Variants in HIVEP3 observed in about 807,000 individuals in gnomAD.
The protein encoded by HIVEP3 is HIVEP zinc finger 3.
A neutral mutation model predicts 152.8 loss-of-function variants in HIVEP3; 49 were observed. The observed-to-expected ratio is 0.32, with a 90% CI of 0.26 to 0.41. The LOEUF (loss-of-function observed/expected upper bound fraction) is 0.41, where lower values mean the gene tolerates loss of function less well. Ranked by LOEUF, HIVEP3 falls within the 10% of genes least tolerant of loss-of-function variation. The pLI, the probability that HIVEP3 is intolerant of heterozygous loss-of-function variation, is 1.00. For missense variants in HIVEP3, 2,790 were observed against 3,103.3 expected (o/e 0.90, Z 2.40); for synonymous variants, 1,269 against 1,289.0 (o/e 0.98, Z 0.33).
intron 1 of HIVEP3, among the ~76,000 whole-genome samples, chr1:41,772,470 G>A (rs1294055609): frequency 6.6e-6 from 1 of 152,186 alleles, no homozygotes; most frequent in East Asian, 1.9e-4. Flanking sequence ...CACGGGAGAG[G>A]TGGCAGGGAA....
At chr1:41,567,825 T>C (rs950570134) in intron 5 of HIVEP3, among the ~76,000 whole-genome samples, 5 of 152,222 alleles carry the variant, frequency 3.3e-5, no homozygotes, top group African/African-American at 1.2e-4. Flanking sequence ...GCCTGCCCCA[T>C]AACAGAGGCC....
intron 1 of HIVEP3, among the ~76,000 whole-genome samples, chr1:42,021,111 T>G (rs1329597484): frequency 2.0e-5 from 3 of 152,182 alleles, no homozygotes; most frequent in Admixed American, 6.5e-5. Flanking sequence ...AGTAACATGA[T>G]CTGACTTGTG....
intron 1 of HIVEP3, among the ~76,000 whole-genome samples, chr1:41,930,693 A>G (rs1644992242): frequency 6.6e-6 from 1 of 152,168 alleles, no homozygotes; most frequent in South Asian, 2.1e-4. Flanking sequence ...CTGCCAAACT[A>G]CTTCGCAAAG....
chr1:41,553,607 C>T (rs531127588), intron 5 of HIVEP3, among the ~76,000 whole-genome samples: 1 of 152,342 alleles, frequency 6.6e-6, no homozygotes, highest in East Asian at 1.9e-4. Context: ...ATGGTCTTTA[C>T]AATCTGGCAT....
chr1:41,738,941 G>A (rs1646957072), intron 1 of HIVEP3, among the ~76,000 whole-genome samples: 1 of 152,218 alleles, frequency 6.6e-6, no homozygotes, highest in Non-Finnish European at 1.5e-5. Context: ...AATGAACCAT[G>A]GCGCCATTAG....
At chr1:41,738,235 G>C (rs1466763995) in intron 1 of HIVEP3, among the ~76,000 whole-genome samples, 1 of 152,222 alleles carries the variant, frequency 6.6e-6, no homozygotes, top group Non-Finnish European at 1.5e-5. Flanking sequence ...CAAGCAGCTG[G>C]GTCTCACAAA....
chr1:41,893,066 C>T (rs192257909), intron 1 of HIVEP3, among the ~76,000 whole-genome samples: 1 of 144,694 alleles, frequency 6.9e-6, no homozygotes, highest in Non-Finnish European at 1.5e-5. Flanking sequence ...GAGGCTGTAG[C>T]GAGCCATGTT....
intron 1 of HIVEP3, among the ~76,000 whole-genome samples, chr1:41,831,598 G>A (rs931792027): frequency 7.9e-5 from 12 of 152,200 alleles, no homozygotes; most frequent in African/African-American, 2.9e-4. Context: ...CTGCAGTTAA[G>A]GATATGTTCA....
chr1:41,562,813 TCC>T (rs1022187279), intron 5 of HIVEP3, among the ~76,000 whole-genome samples: 3 of 152,038 alleles, frequency 2.0e-5, no homozygotes, highest in Admixed American at 2.0e-4. Context: ...CTGATTTACA[TCC>T]CAGGATCCCT....
Position 41,584,992 on chromosome 1 carries a change from G to A in HIVEP3, c.-195C>T, listed in dbSNP as rs1644482956. 4.6e-6 allele frequency: 2 copies of A among 438,336 alleles called. No individual in the cohort carries two copies. 27.2% of individuals were successfully genotyped at this position (438,336 alleles called of 1,614,324 possible). On this transcript the variant is annotated 5_prime_UTR_variant, in exon 4 of 9. Coordinates refer to ENST00000372583, the MANE Select transcript of HIVEP3 (RefSeq NM_024503.5). This position sits in a 1 kb window ranked among gnomAD's most constrained non-coding sequence, Gnocchi z 5.2. ...AGTGGACTCGGAGCAGGTCATCAGGGCCCACGCTATTCTATTGGTGAGGCA... is the reference window on the plus strand; with the variant it reads ...AGTGGACTCGGAGCAGGTCATCAGGACCCACGCTATTCTATTGGTGAGGCA...
intron 1 of HIVEP3, among the ~76,000 whole-genome samples, chr1:41,709,009 T>C (rs994544700): frequency 2.6e-5 from 4 of 152,184 alleles, no homozygotes; most frequent in Non-Finnish European, 5.9e-5. Flanking sequence ...TCTCAGGGGT[T>C]CTGGGAAAGA....
At position 41,893,355 on chromosome 1, in the gene HIVEP3, C is replaced by G. The variant is rs184720824; in HGVS notation, c.-801+25058G>C. On this transcript the variant is annotated intron_variant, in intron 1 of 8. Coordinates refer to ENST00000372583, the MANE Select transcript of HIVEP3 (RefSeq NM_024503.5). ...GCAAAACTCTCCAGGATATTAATCC[C>G]TCTCTCTGCCCAGTGGTTTTCAACT... is the stretch of plus-strand genomic sequence containing the variant. 6.6e-5 allele frequency among the ~76,000 whole-genome samples: 10 copies of G among 152,334 alleles called. No individual in the cohort carries two copies. The East Asian group carries it at 1.9e-3, about 29-fold the overall frequency.
chr1:41,606,810 C>T (rs1181257127), intron 3 of HIVEP3, among the ~76,000 whole-genome samples: 1 of 151,742 alleles, frequency 6.6e-6, no homozygotes, highest in Non-Finnish European at 1.5e-5. Flanking sequence ...ACTGGAGCAT[C>T]TTGCATGACT....
At chr1:41,958,607 C>T (rs1645152919) in intron 1 of HIVEP3, among the ~76,000 whole-genome samples, 1 of 152,238 alleles carries the variant, frequency 6.6e-6, no homozygotes, top group African/African-American at 2.4e-5. Context: ...TCACTCACCA[C>T]TGTTGCAGCA....
intron 1 of HIVEP3, among the ~76,000 whole-genome samples, chr1:41,949,953 C>T (rs1645096798): frequency 6.6e-6 from 1 of 152,144 alleles, no homozygotes; most frequent in Admixed American, 6.5e-5. Context: ...CATCGGCCAA[C>T]CTCTCAACAG....
At chr1:41,680,127 C>G (rs773352209) in intron 2 of HIVEP3, among the ~76,000 whole-genome samples, 2 of 152,186 alleles carry the variant, frequency 1.3e-5, no homozygotes, top group Non-Finnish European at 2.9e-5. Flanking sequence ...ACACACTGGT[C>G]CCTGGGATGA....
At chr1:41,781,943 C>T (rs1052299124) in intron 1 of HIVEP3, among the ~76,000 whole-genome samples, 1 of 152,194 alleles carries the variant, frequency 6.6e-6, no homozygotes, top group African/African-American at 2.4e-5. Context: ...GTCAGCCTTC[C>T]ACCCATACCA....
At chr1:41,843,760 AT>A (rs948473099) in intron 1 of HIVEP3, among the ~76,000 whole-genome samples, 7 of 151,940 alleles carry the variant, frequency 4.6e-5, no homozygotes, top group East Asian at 1.9e-4. Context: ...ACACATTCTG[AT>A]TTTTTTTATT....
At chr1:41,646,879 T>C (rs1444399010) in intron 2 of HIVEP3, among the ~76,000 whole-genome samples, 2 of 152,198 alleles carry the variant, frequency 1.3e-5, no homozygotes, top group African/African-American at 2.4e-5. Flanking sequence ...AAAATCCAGG[T>C]GTTAACAGGG....
Sources: gnomAD v4.1 joint callset for allele counts (sites outside exome capture counted in the v4.1 genomes callset) on GRCh38, gnomAD v4.1.1 for gene constraint, Gnocchi (gnomAD v3.1) non-coding constraint, MANE v1.5 for transcripts, NCBI Gene and HGNC (gene_info 2026-07-23, HGNC 2026-07-21) for gene names.